RAPGEF4: variants seen among roughly 807,000 people sequenced by gnomAD.
The protein encoded by RAPGEF4 is Rap guanine nucleotide exchange factor 4, also known as RAP guanine-nucleotide-exchange factor (GEF) 4.
Under a neutral mutation model 147.9 loss-of-function variants are expected in RAPGEF4, and 66 were observed. The ratio of observed to expected loss-of-function variants is 0.45; its 90% CI spans 0.37 to 0.55. The LOEUF is 0.55. RAPGEF4 is among the 20% of genes least tolerant of loss of function. RAPGEF4 has a pLI of 0.00. For missense variants in RAPGEF4, 1,071 were observed against 1,257.3 expected, an observed-to-expected ratio of 0.85 and a Z score of 2.24; for synonymous variants, 419 against 442.7, an observed-to-expected ratio of 0.95 and a Z score of 0.67.
intron 4 of RAPGEF4, among the ~76,000 whole-genome samples, chr2:172,858,902 G>A (rs1227821949): frequency 6.6e-6 from 1 of 152,114 alleles, no homozygotes; most frequent in East Asian, 1.9e-4. Flanking sequence ...TTTTTGGGGG[G>A]TGCGGTTGGG....
At chr2:172,983,663 T>G in intron 11 of RAPGEF4, 83 bp downstream of exon 11, 1 of 1,535,116 alleles carries the variant, frequency 6.5e-7, no homozygotes. Flanking sequence ...TACGGTGTTG[T>G]GGGGGGAAAG....
At chr2:172,847,533 G>A (rs79004963) in intron 4 of RAPGEF4, among the ~76,000 whole-genome samples, 6,281 of 152,248 alleles carry the variant, frequency 0.041, 166 homozygotes, top group Middle Eastern at 0.078. Flanking sequence ...GGGACAGGAC[G>A]CATCGTGTGT....
chr2:173,051,770 A>G lies in RAPGEF4; in HGVS notation c.*3A>G, dbSNP rs754093345. ...GATTAGAGCCTCGTCGACCATAGAC[A>G]TTTCAAATGCCCAAAGCAACAGTTT... On this transcript the variant is annotated 3_prime_UTR_variant, in exon 31 of 31. Transcript: ENST00000397081. The G allele has an allele frequency of 3.1e-6, 5 of 1,612,946 alleles. No individual in the cohort carries two copies. Among genetic ancestry groups the G allele is most frequent in the Non-Finnish European group, 4.2e-6 (5 of 1,179,320 alleles).
At chr2:172,737,708 G>GA (rs11319302) in intron 1 of RAPGEF4, among the ~76,000 whole-genome samples, 195 of 139,412 alleles carry the variant, frequency 1.4e-3, no homozygotes, top group Non-Finnish European at 1.2e-3. Context: ...AAAAATCTAG[G>GA]AAAAAAAAAA....
At chr2:172,763,391 C>T (rs1696525429) in intron 1 of RAPGEF4, among the ~76,000 whole-genome samples, 1 of 152,152 alleles carries the variant, frequency 6.6e-6, no homozygotes, top group Admixed American at 6.5e-5. Context: ...TAGAAATTAC[C>T]TGGAACACGG....
intron 4 of RAPGEF4, among the ~76,000 whole-genome samples, chr2:172,849,092 A>G (rs1371330570): frequency 3.3e-5 from 5 of 149,752 alleles, no homozygotes; most frequent in Admixed American, 6.6e-5. Flanking sequence ...TTTTTTTAGC[A>G]GAGAGGTATG....
At chr2:172,879,459 G>A (rs770260097) in intron 4 of RAPGEF4, among the ~76,000 whole-genome samples, 2 of 152,144 alleles carry the variant, frequency 1.3e-5, no homozygotes, top group Non-Finnish European at 2.9e-5. Flanking sequence ...GAGAGGAATT[G>A]GGGTGGAGTG....
At chr2:172,942,176 AGGTTGG>A (rs1687224303) in intron 6 of RAPGEF4, among the ~76,000 whole-genome samples, 1 of 148,452 alleles carries the variant, frequency 6.7e-6, no homozygotes, top group Non-Finnish European at 1.5e-5. Flanking sequence ...AATATACAAT[AGGTTGG>A]TGCAAAAGTA....
intron 5 of RAPGEF4, among the ~76,000 whole-genome samples, chr2:172,919,494 C>T (rs1684480184): frequency 6.6e-6 from 1 of 152,160 alleles, no homozygotes; most frequent in Non-Finnish European, 1.5e-5. Flanking sequence ...TCCTCTCTCT[C>T]TGGCCACTCA....
At chr2:172,775,674 T>G (rs1357419282) in intron 1 of RAPGEF4, among the ~76,000 whole-genome samples, 1 of 152,168 alleles carries the variant, frequency 6.6e-6, no homozygotes, top group Non-Finnish European at 1.5e-5. Flanking sequence ...ACTATGAAAA[T>G]GAGGTATATT....
intron 23 of RAPGEF4, among the ~76,000 whole-genome samples, chr2:173,021,511 C>T (rs552536595): frequency 2.3e-3 from 347 of 152,240 alleles, no homozygotes; most frequent in Middle Eastern, 6.8e-3. Context: ...TGGCGTGAAC[C>T]CGGGAGGCGG....
At chr2:172,920,571 A>G (rs1307200844) in intron 5 of RAPGEF4, among the ~76,000 whole-genome samples, 1 of 151,930 alleles carries the variant, frequency 6.6e-6, no homozygotes. Flanking sequence ...ATGATCATCC[A>G]TTGCCTGCCA....
intron 1 of RAPGEF4, among the ~76,000 whole-genome samples, chr2:172,751,477 A>C (rs1695285545): frequency 6.6e-6 from 1 of 152,188 alleles, no homozygotes; most frequent in African/African-American, 2.4e-5. Context: ...AGATAAGAGA[A>C]TATGGAGGTA....
Position 172,907,289 on chromosome 2 carries a change from T to G in RAPGEF4, c.445-10513T>G, listed in dbSNP as rs577212111. The stretch of plus-strand genomic sequence containing the variant: ...TCAATCTGGGGACAGGCATCTGGCC[T>G]CACTGGCCTGAGGACTTCTGTCCCT... On this transcript the variant is annotated intron_variant, in intron 4 of 30. Transcript: ENST00000397081. 2.0e-5 allele frequency among the ~76,000 whole-genome samples: 3 copies of G among 152,386 alleles called. No individual in the cohort carries two copies. The East Asian group carries it at 5.8e-4, about 29-fold the overall frequency.
At chr2:173,036,728 T>C in intron 29 of RAPGEF4, 36 bp downstream of exon 29, 1 of 1,466,522 alleles carries the variant, frequency 6.8e-7, no homozygotes, top group Non-Finnish European at 9.3e-7. Flanking sequence ...CACAATGTGT[T>C]TTTAAAATAA....
At chr2:173,018,334 C>T (rs780494782) in intron 21 of RAPGEF4, among the ~76,000 whole-genome samples, 9 of 152,162 alleles carry the variant, frequency 5.9e-5, no homozygotes, top group Non-Finnish European at 1.2e-4. Context: ...CTGTGAATTG[C>T]CTACAGTATA....
At chr2:172,890,881 G>A (rs558006223) in intron 4 of RAPGEF4, among the ~76,000 whole-genome samples, 20 of 152,308 alleles carry the variant, frequency 1.3e-4, no homozygotes, top group African/African-American at 4.6e-4. Flanking sequence ...TGTAATCCTA[G>A]CACTTTGGGA....
At chr2:172,804,720 G>T (rs1233576943) in intron 3 of RAPGEF4, among the ~76,000 whole-genome samples, 1 of 152,176 alleles carries the variant, frequency 6.6e-6, no homozygotes, top group Non-Finnish European at 1.5e-5. Context: ...TCCGTAGTGG[G>T]GTGGAGAGGG....
intron 17 of RAPGEF4, among the ~76,000 whole-genome samples, chr2:173,008,121 G>A (rs113223668): frequency 0.024 from 3,721 of 152,258 alleles, 61 homozygotes; most frequent in Non-Finnish European, 0.039. Flanking sequence ...AGATCTGATG[G>A]TTTTATAAGG....
Sources: allele counts gnomAD v4.1 joint callset (sites outside exome capture counted in the v4.1 genomes callset), GRCh38; gene constraint gnomAD v4.1.1; transcripts MANE v1.5; gene names NCBI Gene and HGNC (gene_info 2026-07-23, HGNC 2026-07-21).